The following SRPRB variants were observed in gnomAD, a reference collection of about 807,000 sequenced individuals.
SRPRB encodes signal recognition particle receptor subunit beta.
SRPRB carries 20 observed loss-of-function variants against 31.9 expected under a neutral mutation model. That is an observed-to-expected ratio of 0.63 (90% CI 0.44 to 0.91). The LOEUF (loss-of-function observed/expected upper bound fraction) is 0.91. Ranked by LOEUF, SRPRB falls within the 40% of genes least tolerant of loss-of-function variation. The pLI is 0.00. For synonymous variants in SRPRB, 146 were observed against 132.8 expected (o/e 1.10, Z -0.68); for missense variants, 321 against 324.9 (o/e 0.99, Z 0.09).
downstream of SRPRB, chr3:133,828,316 C>T (rs910186349): frequency 6.7e-5 from 25 of 375,374 alleles, no homozygotes; most frequent in Non-Finnish European, 1.1e-4. Context: ...TTAATTTGCT[C>T]AGTTAATTGT....
intron 1 of SRPRB, chr3:133,787,725 T>C (rs1461436989): frequency 6.6e-6 from 1 of 152,194 alleles, no homozygotes; most frequent in Non-Finnish European, 1.5e-5. Flanking sequence ...AGTTTATCCA[T>C]TGCCTTATAT....
chr3:133,828,511 A>G (rs769213051), downstream of SRPRB: 1 of 482,292 alleles, frequency 2.1e-6, no homozygotes, highest in Non-Finnish European at 3.6e-6. Flanking sequence ...CACATGATTT[A>G]AATTTTTTTT....
At chr3:133,788,425 TCCCAC>T (rs1393990898) in intron 1 of SRPRB, 1 of 152,232 alleles carries the variant, frequency 6.6e-6, no homozygotes, top group African/African-American at 2.4e-5. Context: ...ACAGGCCTTC[TCCCAC>T]CCTGTGGAGC....
intron 1 of SRPRB, chr3:133,791,622 T>C (rs916868813): frequency 2.0e-5 from 3 of 152,206 alleles, no homozygotes. Flanking sequence ...TATTGTTTTG[T>C]CATAAAGAGG....
chr3:133,812,738 G>A (rs1201548882), intron 4 of SRPRB, among the ~76,000 whole-genome samples: 1 of 152,056 alleles, frequency 6.6e-6, no homozygotes, highest in Admixed American at 6.5e-5. Context: ...AATAATATCA[G>A]TTTCCTTTTC....
chr3:133,816,497 T>A (rs1195476614), intron 5 of SRPRB, among the ~76,000 whole-genome samples: 1 of 152,230 alleles, frequency 6.6e-6, no homozygotes, highest in African/African-American at 2.4e-5. Flanking sequence ...AAGTTTACTT[T>A]AAAATGACAG....
intron 1 of SRPRB, chr3:133,794,804 T>A (rs1934926558): frequency 6.6e-6 from 1 of 152,006 alleles, no homozygotes; most frequent in African/African-American, 2.4e-5. Flanking sequence ...AATCAAGACT[T>A]CTCTATTATC....
At chr3:133,819,530 A>G in intron 6 of SRPRB, 23 bp from the exon 7 acceptor site, 2 of 1,599,392 alleles carry the variant, frequency 1.3e-6, no homozygotes, top group Middle Eastern at 3.3e-4. Flanking sequence ...TTGCCTCCTG[A>G]CTTCTTTCCT....
intron 3 of SRPRB, 94 bp from the exon 4 acceptor site, chr3:133,811,023 G>C: frequency 8.6e-7 from 1 of 1,161,764 alleles, no homozygotes; most frequent in Non-Finnish European, 1.2e-6. Flanking sequence ...TGGTTAATTA[G>C]GTACCAGTTT....
At chr3:133,824,675 A>AATC (rs1229308766), downstream of SRPRB, 2 of 152,198 alleles carry the variant, frequency 1.3e-5, no homozygotes, top group Non-Finnish European at 2.9e-5. Context: ...TGCCCATGAC[A>AATC]ATCAATCAGA....
At chr3:133,816,361 T>A (rs1033360692) in intron 5 of SRPRB, among the ~76,000 whole-genome samples, 4 of 152,202 alleles carry the variant, frequency 2.6e-5, no homozygotes, top group Admixed American at 6.5e-5. Flanking sequence ...ATTTCCCTGA[T>A]TGAATATAAG....
chr3:133,809,556 G>C (rs1289410536), intron 3 of SRPRB, among the ~76,000 whole-genome samples: 2 of 150,922 alleles, frequency 1.3e-5, no homozygotes, highest in African/African-American at 2.4e-5. Flanking sequence ...TTCAGATTTT[G>C]AAATTCCAGG....
At chr3:133,813,179 C>A (rs1192628603) in intron 4 of SRPRB, among the ~76,000 whole-genome samples, 5 of 152,150 alleles carry the variant, frequency 3.3e-5, no homozygotes, top group Non-Finnish European at 5.9e-5. Context: ...GACCTTCTAT[C>A]CAGGGATAGA....
At chr3:133,788,155 A>C (rs949298725) in intron 1 of SRPRB, 1 of 152,352 alleles carries the variant, frequency 6.6e-6, no homozygotes, top group Non-Finnish European at 1.5e-5. Context: ...TCCTAGAAAT[A>C]AATGAAATGG....
chr3:133,809,149 T>C (rs962197691), intron 3 of SRPRB, among the ~76,000 whole-genome samples: 2 of 151,892 alleles, frequency 1.3e-5, no homozygotes, highest in East Asian at 4.0e-4. Context: ...CCCACCACCA[T>C]GCCTGGCTAA....
At chr3:133,791,211 T>C (rs115825660) in intron 1 of SRPRB, 2 of 152,332 alleles carry the variant, frequency 1.3e-5, no homozygotes, top group African/African-American at 4.8e-5. Flanking sequence ...ACCAGCTTTT[T>C]AACCTTGAAC....
intron 3 of SRPRB, 78 bp from the exon 4 acceptor site, chr3:133,811,039 C>A (rs1935253203): frequency 7.3e-7 from 1 of 1,368,544 alleles, no homozygotes; most frequent in South Asian, 1.3e-5. Flanking sequence ...AGTTTGGTAG[C>A]CAATATATGA....
intron 3 of SRPRB, among the ~76,000 whole-genome samples, 166 bp downstream of exon 3, chr3:133,807,989 G>C (rs112671459): frequency 0.013 from 1,941 of 152,292 alleles, 48 homozygotes; most frequent in African/African-American, 0.044. Context: ...AATCTGTACA[G>C]TAGATTTAAT....
intron 1 of SRPRB, chr3:133,789,272 G>A (rs1340027004): frequency 6.6e-6 from 1 of 152,324 alleles, no homozygotes; most frequent in African/African-American, 2.4e-5. Flanking sequence ...ATGGGAAAGC[G>A]GGATGCAGTT....
Sources: allele counts gnomAD v4.1 joint callset (sites outside exome capture counted in the v4.1 genomes callset), GRCh38; gene constraint gnomAD v4.1.1; transcripts MANE v1.5; gene names NCBI Gene and HGNC (gene_info 2026-07-23, HGNC 2026-07-21).